DPYS: variants seen among roughly 807,000 people sequenced by gnomAD.
DPYS encodes dihydropyrimidinase.
In DPYS, 39 loss-of-function variants were observed where a neutral mutation model predicts 50.3. The ratio of observed to expected loss-of-function variants is 0.78; its 90% CI spans 0.60 to 1.01. DPYS has a LOEUF of 1.01. Among genes scored for constraint, DPYS ranks in the 50% least tolerant of loss-of-function variants. The pLI is 0.00. For synonymous variants in DPYS, 245 were observed against 250.7 expected, an observed-to-expected ratio of 0.98 and a Z score of 0.22; for missense variants, 659 against 680.9, an observed-to-expected ratio of 0.97 and a Z score of 0.36.
intron 1 of DPYS, among the ~76,000 whole-genome samples, chr8:104,460,777 T>C (rs1434459274): frequency 6.6e-6 from 1 of 152,200 alleles, no homozygotes; most frequent in Non-Finnish European, 1.5e-5. Flanking sequence ...TTTTTTGTGC[T>C]TCCTCTGATG....
intron 7 of DPYS, chr8:104,411,871 A>T (rs1812192775): frequency 6.6e-6 from 1 of 152,186 alleles, no homozygotes; most frequent in Non-Finnish European, 1.5e-5. Flanking sequence ...ATAGTGAACC[A>T]ATGGAAAATT....
chr8:104,463,629 G>A (rs1006771325), intron 1 of DPYS, among the ~76,000 whole-genome samples: 3 of 152,154 alleles, frequency 2.0e-5, no homozygotes, highest in Non-Finnish European at 2.9e-5. Flanking sequence ...GTAGACAATG[G>A]CATCTGGGAT....
chr8:104,402,044 T>C (rs569075958), intron 7 of DPYS, among the ~76,000 whole-genome samples: 1 of 152,304 alleles, frequency 6.6e-6, no homozygotes, highest in Non-Finnish European at 1.5e-5. Context: ...TCCCCAAGCA[T>C]TGACTTAAAG....
At chr8:104,451,116 C>T in intron 2 of DPYS, 130 bp downstream of exon 2, 1 of 1,115,686 alleles carries the variant, frequency 9.0e-7, no homozygotes, top group Non-Finnish European at 1.3e-6. Context: ...AAAGAATATG[C>T]AATGAAAAGT....
rs191839152 is a variant in DPYS at position 104,465,269 on chromosome 8, G to C, written c.264+1388C>G. ...TAACATGGGAATAGAAAGAAAGAGA[G>C]GGGTGGAGGGGGTAGTGGGGGGAGA... is the stretch of plus-strand genomic sequence containing the variant. On this transcript the variant is annotated intron_variant, in intron 1 of 9. Transcript: ENST00000351513. Among the ~76,000 whole-genome samples the C allele has an allele frequency of 1.7e-3, 264 of 152,002 alleles. 1 individual carries two copies. The highest frequency in any genetic ancestry group is 6.2e-3 in the African/African-American group (258 of 41,432).
intron 6 of DPYS, among the ~76,000 whole-genome samples, chr8:104,424,723 A>G (rs527969852): frequency 3.3e-5 from 5 of 152,202 alleles, no homozygotes; most frequent in African/African-American, 1.2e-4. Context: ...AAGTTTGACA[A>G]TACCACATTT....
rs907574697 is a variant in DPYS at position 104,379,476 on chromosome 8, T to A, written c.*382A>T. 1 of 172,942 alleles carries A rather than the reference T, an allele frequency of 5.8e-6. No homozygotes were observed. The highest frequency in any genetic ancestry group is 2.4e-5 in the African/African-American group (1 of 41,506). 10.7% of individuals were successfully genotyped at this position (172,942 alleles called of 1,614,324 possible). A position where few individuals can be genotyped will look rare whatever the true frequency, so the allele number is the denominator to read the frequency against. The stretch of plus-strand genomic sequence containing the variant: ...TTATTAATTACAATAAAAAGTAAAA[T>A]CACAGAGCTATTTTAAAACTAATGT... On this transcript the variant is annotated 3_prime_UTR_variant, in exon 10 of 10. Coordinates refer to ENST00000351513, the MANE Select transcript of DPYS (RefSeq NM_001385.3).
At position 104,466,680 on chromosome 8, in the gene DPYS, C is replaced by T. The variant is rs1265124946; in HGVS notation, c.241G>A (p.Asp81Asn). 1.3e-6 allele frequency: 2 copies of T among 1,525,948 alleles called. No homozygotes were observed. Among genetic ancestry groups the T allele is most frequent in the South Asian group, 1.2e-5 (1 of 82,186 alleles). The allele number at this position is 1,525,948 out of a possible 1,614,324, so 94.5% of individuals were successfully genotyped here. A position where few individuals can be genotyped will look rare whatever the true frequency, so the allele number is the denominator to read the frequency against. Residue 81 changes from aspartate to asparagine, a missense_variant, in exon 1 of 10, where the codon GAC (aspartate) becomes AAC (asparagine). Transcript: ENST00000351513. ...ACCTTGGTGCCCTGGTGGAAGTCGT[C>T]GATGGACCGCGAGCCCATGAAGGGG... is the stretch of plus-strand genomic sequence containing the variant. ...QFPFMGSRSI[D>N]DFHQGTKAAL...
In DPYS at chr8:104,430,283, G is replaced by A. The variant is rs79871803; in HGVS notation, c.794-582C>T. Among the ~76,000 whole-genome samples, 22 of 151,412 alleles carry A rather than the reference G, an allele frequency of 1.5e-4. 1 individual carries two copies. The East Asian group carries it at 3.5e-3, about 24-fold the overall frequency. On this transcript the variant is annotated intron_variant, in intron 4 of 9. Coordinates refer to ENST00000351513, the MANE Select transcript of DPYS (RefSeq NM_001385.3). ...TGAAAAAAAGAACTCCTCAAAAAACGTGTATTAAATGAAAGAACACTCAGA... is the reference window on the plus strand; with the variant it reads ...TGAAAAAAAGAACTCCTCAAAAAACATGTATTAAATGAAAGAACACTCAGA...
chr8:104,460,979 A>AT (rs1287896845), intron 1 of DPYS, among the ~76,000 whole-genome samples: 4 of 151,996 alleles, frequency 2.6e-5, no homozygotes, highest in Admixed American at 1.3e-4. Context: ...ATTGACATAG[A>AT]TTTTTTTAAA....
At chr8:104,404,174 T>C (rs937192246) in intron 7 of DPYS, among the ~76,000 whole-genome samples, 1 of 152,138 alleles carries the variant, frequency 6.6e-6, no homozygotes, top group Middle Eastern at 3.2e-3. Context: ...ATGAGAACAC[T>C]AAGGCTGAAT....
chr8:104,436,483 AC>A (rs1354370680), intron 4 of DPYS, among the ~76,000 whole-genome samples: 3 of 151,990 alleles, frequency 2.0e-5, no homozygotes, highest in South Asian at 4.1e-4. Flanking sequence ...GGTGGTGGGC[AC>A]CTGTAATCCC....
intron 2 of DPYS, among the ~76,000 whole-genome samples, chr8:104,450,546 G>A (rs1480637656): frequency 1.3e-5 from 2 of 152,196 alleles, no homozygotes; most frequent in Non-Finnish European, 2.9e-5. Context: ...TATGTGGGAG[G>A]AAATCAACAT....
At chr8:104,465,187 TATGA>T (rs1184132624) in intron 1 of DPYS, among the ~76,000 whole-genome samples, 2 of 150,766 alleles carry the variant, frequency 1.3e-5, no homozygotes, top group African/African-American at 4.9e-5. Flanking sequence ...GAAATCAGTA[TATGA>T]ATGAAGTAGC....
At chr8:104,392,686 T>C in intron 8 of DPYS, 98 bp downstream of exon 8, 1 of 1,422,710 alleles carries the variant, frequency 7.0e-7, no homozygotes, top group East Asian at 2.3e-5. Context: ...AAACCAAGTG[T>C]GATGTGTCAA....
At chr8:104,445,501 T>C (rs1027996926) in intron 3 of DPYS, among the ~76,000 whole-genome samples, 9 of 152,162 alleles carry the variant, frequency 5.9e-5, no homozygotes, top group African/African-American at 2.2e-4. Context: ...TTATGCTAAA[T>C]GAAATAAGCC....
chr8:104,410,880 C>A (rs1207587527), intron 7 of DPYS, among the ~76,000 whole-genome samples: 1 of 152,090 alleles, frequency 6.6e-6, no homozygotes, highest in Non-Finnish European at 1.5e-5. Context: ...CTGACTCCAC[C>A]ATCTGGATGG....
intron 7 of DPYS, among the ~76,000 whole-genome samples, chr8:104,407,386 A>G (rs1328426424): frequency 6.6e-6 from 1 of 152,240 alleles, no homozygotes; most frequent in Admixed American, 6.5e-5. Context: ...TTTAAAAGGA[A>G]AACATAACAG....
At chr8:104,391,078 A>G (rs1362704489) in intron 8 of DPYS, among the ~76,000 whole-genome samples, 1 of 152,228 alleles carries the variant, frequency 6.6e-6, no homozygotes, top group East Asian at 1.9e-4. Flanking sequence ...AATACAGCAT[A>G]TAAAGAACTG....
Sources: allele counts gnomAD v4.1 joint callset (sites outside exome capture counted in the v4.1 genomes callset), GRCh38; gene constraint gnomAD v4.1.1; transcripts MANE v1.5; gene names NCBI Gene and HGNC (gene_info 2026-07-23, HGNC 2026-07-21).